Variants in ZFP14 observed in about 807,000 individuals in gnomAD.
ZFP14 encodes the protein ZFP14 zinc finger protein.
A neutral mutation model predicts 54.5 loss-of-function variants in ZFP14; 22 were observed. That is an observed-to-expected ratio of 0.40 (90% CI 0.29 to 0.58). The LOEUF is 0.58. Among genes scored for constraint, ZFP14 ranks in the 20% least tolerant of loss-of-function variants. ZFP14 has a pLI of 0.39. For synonymous variants in ZFP14, 159 were observed against 204.0 expected, an observed-to-expected ratio of 0.78 and a Z score of 1.88; for missense variants, 470 against 637.8, an observed-to-expected ratio of 0.74 and a Z score of 2.83.
intron 1 of ZFP14, among the ~76,000 whole-genome samples, chr19:36,369,511 A>G (rs1206422131): frequency 6.6e-6 from 1 of 151,930 alleles, no homozygotes; most frequent in Non-Finnish European, 1.5e-5. Context: ...CCAGGGTTCA[A>G]GCGTTTCTCC....
At chr19:36,347,983 G>C (rs1054331806) in intron 4 of ZFP14, among the ~76,000 whole-genome samples, 1 of 152,004 alleles carries the variant, frequency 6.6e-6, no homozygotes, top group Admixed American at 6.5e-5. Flanking sequence ...TCTTGAACCC[G>C]GGAGGTGGAG....
chr19:36,376,214 C>T (rs771146364), intron 1 of ZFP14, among the ~76,000 whole-genome samples: 2 of 151,964 alleles, frequency 1.3e-5, no homozygotes, highest in Non-Finnish European at 2.9e-5. Context: ...TCATAAAAGT[C>T]AGCTATATTA....
At chr19:36,375,658 C>T (rs1332955879) in intron 1 of ZFP14, among the ~76,000 whole-genome samples, 1 of 150,704 alleles carries the variant, frequency 6.6e-6, no homozygotes, top group Non-Finnish European at 1.5e-5. Context: ...CCCGGGTTCA[C>T]GCCATTCTCC....
rs771358729 is a variant in ZFP14, at chr19:36,340,570, A to G, written c.1256T>C (p.Ile419Thr). Residue 419 changes from isoleucine (I) to threonine (T), a missense_variant, in exon 5 of 5, where the codon ATT becomes ACT. Physicochemically the swap from Ile to Thr is moderately conservative, Grantham distance 89. Coordinates refer to ENST00000270001, the MANE Select transcript of ZFP14 (RefSeq NM_020917.3). The surrounding 1 kb of genome is among the most constrained non-coding windows in gnomAD (Gnocchi z 5.4). ...SQLISHQSIH[I>T]GERPYECEEC... is the part of the protein sequence containing the mutation. ...TTCACATTCATAGGGTCTCTCACCA[A>G]TATGAATGCTCTGGTGTGAAATAAG... 2 of 1,614,024 alleles carry G rather than the reference A, an allele frequency of 1.2e-6. No homozygotes were observed. Among genetic ancestry groups the G allele is most frequent in the South Asian group, 1.1e-5 (1 of 91,068 alleles).
chr19:36,342,652 C>T (rs1051518355), intron 4 of ZFP14, among the ~76,000 whole-genome samples: 3 of 152,130 alleles, frequency 2.0e-5, no homozygotes, highest in African/African-American at 7.2e-5. Context: ...AAATAAAGCC[C>T]AGAGCCAGTG....
At chr19:36,344,143 C>T (rs2031372492) in intron 4 of ZFP14, among the ~76,000 whole-genome samples, 1 of 152,156 alleles carries the variant, frequency 6.6e-6, no homozygotes, top group Admixed American at 6.5e-5. Context: ...GCTGGGATTA[C>T]AGGCACCCAC....
intron 4 of ZFP14, among the ~76,000 whole-genome samples, chr19:36,354,015 C>T (rs2031572540): frequency 7.7e-6 from 1 of 129,734 alleles, no homozygotes; most frequent in Non-Finnish European, 1.6e-5. Flanking sequence ...TTCAAGGCTG[C>T]AGTGAGTCAT....
chr19:36,341,723 A>G lies in ZFP14; in HGVS notation c.236-133T>C, dbSNP rs191447906. ...CTGTTACAAATTGAATGGATTAGAC[A>G]GATCTCAAACATAGACATTTCTGCC... On this transcript the variant is annotated intron_variant, in intron 4 of 4. Coordinates refer to ENST00000270001, the MANE Select transcript of ZFP14 (RefSeq NM_020917.3). The surrounding 1 kb of genome is among the most constrained non-coding windows in gnomAD (Gnocchi z 4.2). The G allele has an allele frequency of 2.4e-3, 1,912 of 796,246 alleles. 9 individuals carry two copies. The highest frequency in any genetic ancestry group is 6.1e-3 in the Middle Eastern group (16 of 2,622). The allele number at this position is 796,246 out of a possible 1,614,324, so 49.3% of individuals were successfully genotyped here.
At chr19:36,359,474 C>T (rs76456543) in intron 4 of ZFP14, among the ~76,000 whole-genome samples, 2,828 of 152,088 alleles carry the variant, frequency 0.019, 97 homozygotes, top group African/African-American at 0.065. Context: ...CTGGCATTTT[C>T]TTTGTGGAAG....
At chr19:36,372,692 A>G (rs571999379) in intron 1 of ZFP14, among the ~76,000 whole-genome samples, 1 of 152,310 alleles carries the variant, frequency 6.6e-6, no homozygotes, top group South Asian at 2.1e-4. Flanking sequence ...TAGCAATCAC[A>G]CTACTGTATA....
chr19:36,340,903 G>C lies in ZFP14; in HGVS notation c.923C>G (p.Ala308Gly), dbSNP rs749719292. The C allele has an allele frequency of 6.2e-7, 1 of 1,613,350 alleles. No individual in the cohort carries two copies. Among genetic ancestry groups the C allele is most frequent in the Non-Finnish European group, 8.5e-7 (1 of 1,179,854 alleles). Residue 308 changes from alanine (A) to glycine (G), a missense_variant, in exon 5 of 5, where the codon GCT becomes GGT. Ala to Gly is a moderately conservative substitution (Grantham distance 60). Coordinates refer to ENST00000270001, the MANE Select transcript of ZFP14 (RefSeq NM_020917.3). The surrounding 1 kb of genome is among the most constrained non-coding windows in gnomAD (Gnocchi z 5.4). ...TTCCTTACATTCATAGAGCTTTTCA[G>C]CAGTATGAAGTCTCTGATGGCGTGT... The part of the protein sequence containing the change: ...HLTRHQRLHT[A>G]EKLYECKECG...
At position 36,340,518 on chromosome 19, in the gene ZFP14, G is replaced by A. The variant is rs779595739; in HGVS notation, c.1308C>T (p.Leu436=). The stretch of plus-strand genomic sequence containing the variant: ...TACTTTGATGCTGAGTAAGTTGTGA[G>A]AGCAGTCTAAAGGCCTTTCCACACT... The part of the protein sequence containing the change: ...CEECGKAFRL[L]SQLTQHQSIH... Residue 436 remains leucine, a synonymous_variant, in exon 5 of 5, where the codon CTC becomes CTT. Transcript: ENST00000270001. This position sits in a 1 kb window ranked among gnomAD's most constrained non-coding sequence, Gnocchi z 5.4. 1.9e-6 allele frequency: 3 copies of A among 1,613,902 alleles called. No individual in the cohort carries two copies. The highest frequency in any genetic ancestry group is 2.5e-6 in the Non-Finnish European group (3 of 1,180,004).
chr19:36,359,672 C>T (rs1363377948), intron 4 of ZFP14, among the ~76,000 whole-genome samples: 1 of 151,798 alleles, frequency 6.6e-6, no homozygotes, highest in East Asian at 1.9e-4. Context: ...TTTTTGGAGT[C>T]GGGGTAGAGT....
At chr19:36,378,095 A>G (rs571628687) in intron 1 of ZFP14, 1 of 152,338 alleles carries the variant, frequency 6.6e-6, no homozygotes, top group South Asian at 2.1e-4. Flanking sequence ...AATAGAATGG[A>G]CGAGAGAGAC....
intron 1 of ZFP14, among the ~76,000 whole-genome samples, chr19:36,370,759 G>A (rs1167323154): frequency 6.6e-6 from 1 of 152,232 alleles, no homozygotes; most frequent in Non-Finnish European, 1.5e-5. Context: ...AGGCTGCCCA[G>A]AACCACTGCA....
At chr19:36,366,841 T>A (rs1455988253) in intron 2 of ZFP14, among the ~76,000 whole-genome samples, 3 of 152,072 alleles carry the variant, frequency 2.0e-5, no homozygotes, top group African/African-American at 7.2e-5. Flanking sequence ...CCACAAAAAA[T>A]TTCAAAAACG....
intron 4 of ZFP14, among the ~76,000 whole-genome samples, chr19:36,345,710 A>G (rs1460165197): frequency 2.6e-5 from 4 of 152,194 alleles, no homozygotes; most frequent in Non-Finnish European, 5.9e-5. Flanking sequence ...AAATCATGAA[A>G]CCAAAAGACA....
chr19:36,368,383 G>A (rs965319108), intron 1 of ZFP14, among the ~76,000 whole-genome samples: 9 of 152,182 alleles, frequency 5.9e-5, no homozygotes, highest in Non-Finnish European at 1.2e-4. Flanking sequence ...CAGGAGAATC[G>A]CTTGAACCCA....
Position 36,367,986 on chromosome 19 carries a change from A to T in ZFP14, c.-79-15T>A. ...ATAAGCCAGAGCTGAAAGAAGAAAA[A>T]GAAACCATGAAATAAGCTGCGCCAC... On this transcript the variant is annotated splice_polypyrimidine_tract_variant and intron_variant, in intron 1 of 4. Transcript: ENST00000270001. 2 of 1,433,362 alleles carry T rather than the reference A, an allele frequency of 1.4e-6. No individual in the cohort carries two copies. The highest frequency in any genetic ancestry group is 2.3e-5 in the Admixed American group (1 of 42,620). 88.8% of individuals were successfully genotyped at this position (1,433,362 alleles called of 1,614,324 possible). A position where few individuals can be genotyped will look rare whatever the true frequency, so the allele number is the denominator to read the frequency against.
Sources: gnomAD v4.1 joint callset for allele counts (sites outside exome capture counted in the v4.1 genomes callset) on GRCh38, gnomAD v4.1.1 for gene constraint, Gnocchi (gnomAD v3.1) non-coding constraint, MANE v1.5 for transcripts, NCBI Gene and HGNC (gene_info 2026-07-23, HGNC 2026-07-21) for gene names.